The following SCGB2B2 variants were observed in gnomAD, a reference collection of about 807,000 sequenced individuals.
SCGB2B2 encodes secretoglobin-like protein.
Under a neutral mutation model 7.6 loss-of-function variants are expected in SCGB2B2, and 11 were observed. The ratio of observed to expected loss-of-function variants is 1.45; its 90% confidence interval spans 0.91 to 2.40. The LOEUF (loss-of-function observed/expected upper bound fraction) is 2.40, where lower values mean the gene tolerates loss of function less well. SCGB2B2 is among the 30% of genes most tolerant of loss of function. SCGB2B2 has a pLI of 0.00. For missense variants in SCGB2B2, 104 were observed against 115.4 expected, an observed-to-expected ratio of 0.90 and a Z score of 0.45; for synonymous variants, 50 against 48.6, an observed-to-expected ratio of 1.03 and a Z score of -0.12.
chr19:34,618,450 G>T (rs2066150664), intron 1 of SCGB2B2, among the ~76,000 whole-genome samples: 2 of 152,172 alleles, frequency 1.3e-5, no homozygotes, highest in South Asian at 2.1e-4. Context: ...AACCTACAGA[G>T]AAATTAAATA....
chr19:34,614,418 T>TAA (rs1264844994), intron 1 of SCGB2B2, among the ~76,000 whole-genome samples: 1 of 152,198 alleles, frequency 6.6e-6, no homozygotes, highest in Non-Finnish European at 1.5e-5. Context: ...TTTTATTTTT[T>TAA]AAATTTCATT....
chr19:34,598,460 C>G (rs2065524963), intron 1 of SCGB2B2, among the ~76,000 whole-genome samples: 1 of 150,608 alleles, frequency 6.6e-6, no homozygotes, highest in Non-Finnish European at 1.5e-5. Context: ...GGTGAGGTCA[C>G]TAGAGGGGAC....
At chr19:34,632,327 T>C (rs968629203) in intron 1 of SCGB2B2, among the ~76,000 whole-genome samples, 7 of 152,104 alleles carry the variant, frequency 4.6e-5, no homozygotes, top group Non-Finnish European at 5.9e-5. Context: ...GTAAAAAAGA[T>C]CCATAGGCTA....
At chr19:34,637,249 G>GCCCCCAT (rs140744376) in intron 1 of SCGB2B2, among the ~76,000 whole-genome samples, 1 of 152,260 alleles carries the variant, frequency 6.6e-6, no homozygotes, top group African/African-American at 2.4e-5. Context: ...AAGACTCCTG[G>GCCCCCAT]CCCCCATCTC....
chr19:34,620,076 A>C (rs975743564), intron 1 of SCGB2B2, among the ~76,000 whole-genome samples: 4 of 152,194 alleles, frequency 2.6e-5, no homozygotes. Context: ...AAGAAATCCT[A>C]AATTGCCTAT....
At chr19:34,647,336 G>A (rs1325408552) in intron 1 of SCGB2B2, among the ~76,000 whole-genome samples, 1 of 152,148 alleles carries the variant, frequency 6.6e-6, no homozygotes, top group East Asian at 1.9e-4. Context: ...AACTCCCTCT[G>A]GGGAAGGTCC....
In SCGB2B2 at chr19:34,592,645, C is replaced by T. The variant is rs1369385851; in HGVS notation, c.*910G>A. 6.6e-6 allele frequency among the ~76,000 whole-genome samples: 1 copy of T among 152,126 alleles called. No homozygotes were observed. Among genetic ancestry groups the T allele is most frequent in the Non-Finnish European group, 1.5e-5 (1 of 68,028 alleles). The stretch of plus-strand genomic sequence containing the variant: ...AGCCTCATCAGTGTATTGAAGGCCA[C>T]TGAGACCTCCATCGAGGATGAAATC... On this transcript the variant is annotated 3_prime_UTR_variant, in exon 4 of 4. Transcript: ENST00000601241.
intron 1 of SCGB2B2, among the ~76,000 whole-genome samples, chr19:34,605,601 C>T (rs113711630): frequency 7.6e-4 from 116 of 152,226 alleles, no homozygotes; most frequent in Middle Eastern, 3.4e-3. Context: ...TTTTTTGAGA[C>T]GGAGTTTTGC....
chr19:34,621,574 G>A (rs2066243969), intron 1 of SCGB2B2, among the ~76,000 whole-genome samples: 1 of 150,900 alleles, frequency 6.6e-6, no homozygotes. Context: ...AACCTTTTCA[G>A]AAAAACAAGA....
intron 1 of SCGB2B2, chr19:34,646,320 AC>A (rs1225752991): frequency 1.9e-5 from 3 of 155,678 alleles, no homozygotes; most frequent in African/African-American, 4.8e-5. Flanking sequence ...GCCCAGGGAC[AC>A]AGGGAACCAC....
At chr19:34,652,873 G>A (rs2067195595) in intron 1 of SCGB2B2, among the ~76,000 whole-genome samples, 1 of 151,210 alleles carries the variant, frequency 6.6e-6, no homozygotes, top group African/African-American at 2.5e-5. Flanking sequence ...CAGGCAAAAG[G>A]AAATCAGTAT....
At chr19:34,647,949 A>G (rs1011620179) in intron 1 of SCGB2B2, among the ~76,000 whole-genome samples, 2 of 152,198 alleles carry the variant, frequency 1.3e-5, no homozygotes, top group African/African-American at 4.8e-5. Context: ...AGAATGCAGC[A>G]TGATGAGAAA....
At chr19:34,606,421 CCTA>C (rs1166659047) in intron 1 of SCGB2B2, among the ~76,000 whole-genome samples, 3 of 151,916 alleles carry the variant, frequency 2.0e-5, no homozygotes, top group African/African-American at 7.2e-5. Flanking sequence ...CACACCAGTG[CCTA>C]CTAATGATTA....
intron 1 of SCGB2B2, among the ~76,000 whole-genome samples, chr19:34,633,217 T>A (rs1277722559): frequency 6.6e-6 from 1 of 152,214 alleles, no homozygotes; most frequent in East Asian, 1.9e-4. Flanking sequence ...CACTGGCTTC[T>A]CTGTGTTGTC....
intron 1 of SCGB2B2, among the ~76,000 whole-genome samples, chr19:34,642,774 G>A (rs2066883047): frequency 8.5e-6 from 1 of 117,754 alleles, no homozygotes; most frequent in South Asian, 2.8e-4. Flanking sequence ...TCTCTCTAAA[G>A]ATGACATACA....
At chr19:34,662,962 A>ACAAAC (rs35140779) in intron 1 of SCGB2B2, among the ~76,000 whole-genome samples, 7 of 151,224 alleles carry the variant, frequency 4.6e-5, no homozygotes, top group South Asian at 4.1e-4. Context: ...AAACAAACAA[A>ACAAAC]AAAAAACAAT....
In SCGB2B2 at chr19:34,594,255, T is replaced by A; in HGVS notation, c.166A>T (p.Thr56Ser). The change falls in exon 3 of 4, where the codon ACA becomes TCA. Residue 56 changes from threonine to serine, a missense_variant. Physicochemically the swap from Thr to Ser is moderately conservative, Grantham distance 58. Transcript: ENST00000601241. The part of the protein sequence containing the change: ...ELARYNPSPL[T>S]EESFLNVQQC... ...TGGACATTGAGGAAGGACTCCTCTGTCAGGGGACTGGGGTTGTAACGAGCA... is the reference window on the plus strand; with the variant it reads ...TGGACATTGAGGAAGGACTCCTCTGACAGGGGACTGGGGTTGTAACGAGCA... 6.2e-7 allele frequency: 1 copy of A among 1,614,074 alleles called. No individual in the cohort carries two copies. Among genetic ancestry groups the A allele is most frequent in the South Asian group, 1.1e-5 (1 of 91,082 alleles).
intron 1 of SCGB2B2, among the ~76,000 whole-genome samples, chr19:34,630,417 C>A (rs139032628): frequency 2.0e-5 from 3 of 151,742 alleles, no homozygotes; most frequent in African/African-American, 4.8e-5. Flanking sequence ...AAATTTACAA[C>A]AAAAAAACAA....
intron 1 of SCGB2B2, among the ~76,000 whole-genome samples, chr19:34,636,221 G>A (rs942960986): frequency 6.6e-6 from 1 of 152,210 alleles, no homozygotes; most frequent in Admixed American, 6.5e-5. Flanking sequence ...ACTTTCGTGG[G>A]AGAGGCAGCC....
Sources: allele counts gnomAD v4.1 joint callset (sites outside exome capture counted in the v4.1 genomes callset), GRCh38; gene constraint gnomAD v4.1.1; transcripts MANE v1.5; gene names NCBI Gene and HGNC (gene_info 2026-07-23, HGNC 2026-07-21).